Variants in KCNIP4 observed in about 807,000 individuals in gnomAD.
KCNIP4 encodes the protein potassium voltage-gated channel interacting protein 4.
KCNIP4 carries 12 observed loss-of-function variants against 34.0 expected under a neutral mutation model. The ratio of observed to expected loss-of-function variants is 0.35; its 90% CI spans 0.23 to 0.57. The LOEUF is 0.57. Among genes scored for constraint, KCNIP4 ranks in the 20% least tolerant of loss-of-function variants. The pLI is 0.83. For missense variants in KCNIP4, 238 were observed against 311.7 expected (o/e 0.76, Z 1.78); for synonymous variants, 124 against 102.2 (o/e 1.21, Z -1.29).
intron 1 of KCNIP4, among the ~76,000 whole-genome samples, chr4:21,145,625 A>G (rs2109225762): frequency 6.6e-6 from 1 of 152,302 alleles, no homozygotes; most frequent in Non-Finnish European, 1.5e-5. Flanking sequence ...CAGAAGCTAT[A>G]AAAAATGGAG....
At chr4:20,783,327 G>A (rs1224217193) in intron 3 of KCNIP4, among the ~76,000 whole-genome samples, 1 of 151,936 alleles carries the variant, frequency 6.6e-6, no homozygotes, top group African/African-American at 2.4e-5. Context: ...CCCACTTCTG[G>A]TACCAATTTA....
At chr4:21,327,955 T>C (rs1286607620) in intron 1 of KCNIP4, among the ~76,000 whole-genome samples, 1 of 152,080 alleles carries the variant, frequency 6.6e-6, no homozygotes, top group East Asian at 1.9e-4. Context: ...CTGAATTCCT[T>C]CTCTGGGTTA....
At chr4:21,681,516 G>C (rs188330982) in intron 1 of KCNIP4, among the ~76,000 whole-genome samples, 1 of 152,270 alleles carries the variant, frequency 6.6e-6, no homozygotes, top group East Asian at 1.9e-4. Context: ...ATCGGCACTT[G>C]CTCTTTAACC....
In KCNIP4 at chr4:20,794,961, C is replaced by T. The variant is rs77332304; in HGVS notation, c.289-36071G>A. Among the ~76,000 whole-genome samples, 929 of 152,286 alleles carry T rather than the reference C, an allele frequency of 6.1e-3. 7 individuals carry two copies. Among genetic ancestry groups the T allele is most frequent in the African/African-American group, 0.021 (890 of 41,574 alleles). ...TGGATTTGGTTAATCTTCAGGAAAG[C>T]AGAAACTTGTTTGTAACTACTTGAA... On this transcript the variant is annotated intron_variant, in intron 3 of 8. Coordinates refer to ENST00000382152, the MANE Select transcript of KCNIP4 (RefSeq NM_025221.6).
At chr4:21,716,597 A>C (rs1420443085) in intron 1 of KCNIP4, among the ~76,000 whole-genome samples, 1 of 152,106 alleles carries the variant, frequency 6.6e-6, no homozygotes. Context: ...AAAACCCTGT[A>C]ATGAGGAGTT....
intron 1 of KCNIP4, among the ~76,000 whole-genome samples, chr4:21,134,785 T>G (rs754021397): frequency 2.6e-5 from 4 of 152,234 alleles, no homozygotes; most frequent in Non-Finnish European, 4.4e-5. Flanking sequence ...TTCACTGTTC[T>G]CATGAATCTT....
chr4:21,706,624 CTGAT>C (rs1471690882), intron 1 of KCNIP4, among the ~76,000 whole-genome samples: 3 of 152,084 alleles, frequency 2.0e-5, no homozygotes, highest in Non-Finnish European at 4.4e-5. Flanking sequence ...ATAAATGTGA[CTGAT>C]TGATTAAGGG....
At chr4:21,230,092 T>C (rs1268076753) in intron 1 of KCNIP4, among the ~76,000 whole-genome samples, 1 of 152,034 alleles carries the variant, frequency 6.6e-6, no homozygotes, top group African/African-American at 2.4e-5. Context: ...GGTGTCCTTA[T>C]AAGGGGAGGG....
chr4:21,362,323 C>G (rs142916037), intron 1 of KCNIP4, among the ~76,000 whole-genome samples: 2 of 152,076 alleles, frequency 1.3e-5, no homozygotes, highest in African/African-American at 4.8e-5. Flanking sequence ...CTCATGGTCA[C>G]GAAAGCAGTG....
chr4:21,670,956 G>A (rs1749453493), intron 1 of KCNIP4, among the ~76,000 whole-genome samples: 7 of 148,946 alleles, frequency 4.7e-5, no homozygotes, highest in Admixed American at 4.0e-4. Flanking sequence ...GCGCCGGGCT[G>A]AGTAAACTTT....
At chr4:21,142,491 T>C (rs1186243043) in intron 1 of KCNIP4, among the ~76,000 whole-genome samples, 3 of 152,142 alleles carry the variant, frequency 2.0e-5, no homozygotes, top group Non-Finnish European at 4.4e-5. Context: ...CTATTCTGTT[T>C]TGGGGGCTCT....
chr4:21,045,522 G>T (rs1443038593), intron 1 of KCNIP4, among the ~76,000 whole-genome samples: 1 of 152,072 alleles, frequency 6.6e-6, no homozygotes, highest in Admixed American at 6.5e-5. Context: ...AAGCAAAACA[G>T]GTCTCACCCA....
chr4:21,069,844 C>T (rs959892184), intron 1 of KCNIP4, among the ~76,000 whole-genome samples: 13 of 152,126 alleles, frequency 8.5e-5, no homozygotes, highest in Non-Finnish European at 1.3e-4. Context: ...CACCAAAACA[C>T]GACTTTGACG....
At chr4:21,590,612 C>T (rs186133210) in intron 1 of KCNIP4, among the ~76,000 whole-genome samples, 299 of 151,996 alleles carry the variant, frequency 2.0e-3, no homozygotes, top group Admixed American at 3.3e-3. Context: ...TTTATTTCAG[C>T]ATATACTGAA....
chr4:21,133,014 GA>G (rs11342415), intron 1 of KCNIP4, among the ~76,000 whole-genome samples: 27,888 of 145,764 alleles, frequency 0.19, 2,672 homozygotes, highest in Admixed American at 0.24. Context: ...CTCCATCTCA[GA>G]AAAAAAAAAA....
At chr4:20,860,469 AAAAT>A (rs1722079010) in intron 2 of KCNIP4, among the ~76,000 whole-genome samples, 1 of 152,210 alleles carries the variant, frequency 6.6e-6, no homozygotes, top group South Asian at 2.1e-4. Context: ...CTCTTCTTTA[AAAAT>A]AAATGTATCC....
At chr4:21,494,405 C>T (rs1732669005) in intron 1 of KCNIP4, among the ~76,000 whole-genome samples, 1 of 151,856 alleles carries the variant, frequency 6.6e-6, no homozygotes. Flanking sequence ...AAGACTGCAC[C>T]ACCAATAACA....
At chr4:20,793,628 C>T (rs557623644) in intron 3 of KCNIP4, among the ~76,000 whole-genome samples, 86 of 152,126 alleles carry the variant, frequency 5.7e-4, no homozygotes, top group African/African-American at 2.0e-3. Context: ...GGGTGGGATG[C>T]TTTTGGGATG....
chr4:21,267,896 A>G (rs1228102307), intron 1 of KCNIP4, among the ~76,000 whole-genome samples: 3 of 150,844 alleles, frequency 2.0e-5, no homozygotes, highest in African/African-American at 7.3e-5. Flanking sequence ...CTCTTTTTCT[A>G]TTGATTGGAA....
Sources: allele counts gnomAD v4.1 joint callset (sites outside exome capture counted in the v4.1 genomes callset), GRCh38; gene constraint gnomAD v4.1.1; transcripts MANE v1.5; gene names NCBI Gene and HGNC (gene_info 2026-07-23, HGNC 2026-07-21).